The following ESRRG variants were observed in gnomAD, a reference collection of about 807,000 sequenced individuals.
The protein encoded by ESRRG is estrogen related receptor gamma.
ESRRG carries 13 observed loss-of-function variants against 44.0 expected under a neutral mutation model. The observed-to-expected ratio is 0.30, with a 90% CI of 0.19 to 0.47. The LOEUF is 0.47. ESRRG is among the 20% of genes least tolerant of loss of function. The pLI is 1.00. For missense variants in ESRRG, 395 were observed against 580.6 expected, an observed-to-expected ratio of 0.68 and a Z score of 3.29; for synonymous variants, 215 against 214.6, an observed-to-expected ratio of 1.00 and a Z score of -0.02.
At chr1:217,130,478 C>A (rs1192421867) in intron 1 of ESRRG, among the ~76,000 whole-genome samples, 1 of 152,134 alleles carries the variant, frequency 6.6e-6, no homozygotes, top group Non-Finnish European at 1.5e-5. Flanking sequence ...TCAAGCAATT[C>A]TCTCTCCTGG....
chr1:217,079,879 C>T (rs1377495649), intron 1 of ESRRG, among the ~76,000 whole-genome samples: 1 of 152,168 alleles, frequency 6.6e-6, no homozygotes, highest in East Asian at 1.9e-4. Context: ...TTTCCTCCTT[C>T]CCTCCCATAA....
At chr1:216,721,986 T>C (rs550115908) in intron 1 of ESRRG, among the ~76,000 whole-genome samples, 92 of 152,242 alleles carry the variant, frequency 6.0e-4, no homozygotes, top group Admixed American at 1.1e-3. Context: ...TGGGTGGATG[T>C]GCATGTGTGA....
At chr1:216,793,907 T>A (rs1455223938) in intron 2 of ESRRG, among the ~76,000 whole-genome samples, 1 of 151,898 alleles carries the variant, frequency 6.6e-6, no homozygotes, top group Non-Finnish European at 1.5e-5. Flanking sequence ...GTTTTTATCA[T>A]TAAAGTAAAT....
At chr1:217,099,958 C>T (rs1415645345) in intron 1 of ESRRG, among the ~76,000 whole-genome samples, 1 of 150,524 alleles carries the variant, frequency 6.6e-6, no homozygotes, top group Non-Finnish European at 1.5e-5. Context: ...ATGAATGCTC[C>T]GTTCCGTTAC....
intron 2 of ESRRG, among the ~76,000 whole-genome samples, chr1:216,870,128 GA>G (rs2096239473): frequency 1.3e-5 from 2 of 151,966 alleles, no homozygotes; most frequent in South Asian, 4.1e-4. Context: ...ATATTTTGTA[GA>G]TGGACTTTAT....
intron 1 of ESRRG, among the ~76,000 whole-genome samples, chr1:216,717,903 T>G (rs2085265731): frequency 6.6e-6 from 1 of 151,856 alleles, no homozygotes; most frequent in Non-Finnish European, 1.5e-5. Flanking sequence ...GGCCCAATTG[T>G]GTAAGAAAAG....
At chr1:216,764,299 T>A (rs2092956309) in intron 2 of ESRRG, among the ~76,000 whole-genome samples, 1 of 151,840 alleles carries the variant, frequency 6.6e-6, no homozygotes, top group South Asian at 2.1e-4. Flanking sequence ...TGACAGGGTC[T>A]TGTTTTGTCC....
intron 2 of ESRRG, among the ~76,000 whole-genome samples, chr1:216,667,355 A>G (rs144378929): frequency 5.3e-5 from 8 of 152,306 alleles, no homozygotes; most frequent in African/African-American, 1.9e-4. Flanking sequence ...GGCTTATGTA[A>G]CAGGTACTTT....
upstream of ESRRG, among the ~76,000 whole-genome samples, chr1:216,723,821 C>A (rs1371750878): frequency 6.6e-6 from 1 of 151,902 alleles, no homozygotes; most frequent in Non-Finnish European, 1.5e-5. Context: ...TGATTTCTAA[C>A]CTAAGATCTC....
intron 5 of ESRRG, among the ~76,000 whole-genome samples, chr1:216,554,598 T>C (rs946195291): frequency 2.0e-5 from 3 of 152,148 alleles, no homozygotes; most frequent in African/African-American, 4.8e-5. Flanking sequence ...ATCATGCCAC[T>C]GCATTCCAGC....
intron 1 of ESRRG, among the ~76,000 whole-genome samples, chr1:217,027,215 C>A (rs557847547): frequency 1.2e-4 from 19 of 152,216 alleles, no homozygotes; most frequent in African/African-American, 4.6e-4. Flanking sequence ...AGAAAAGCCA[C>A]AGAGAATTAC....
At chr1:216,710,378 C>A (rs923250443) in intron 1 of ESRRG, among the ~76,000 whole-genome samples, 7 of 152,116 alleles carry the variant, frequency 4.6e-5, no homozygotes, top group African/African-American at 1.7e-4. Flanking sequence ...GAGAAACAAC[C>A]CCACAAAATC....
At chr1:217,001,886 T>C (rs1284387889) in intron 1 of ESRRG, among the ~76,000 whole-genome samples, 2 of 152,126 alleles carry the variant, frequency 1.3e-5, no homozygotes, top group Non-Finnish European at 2.9e-5. Flanking sequence ...CATTTGTACA[T>C]CAAAAGTGAA....
chr1:216,981,523 C>T (rs2073966933), intron 1 of ESRRG, among the ~76,000 whole-genome samples: 1 of 152,176 alleles, frequency 6.6e-6, no homozygotes, highest in Admixed American at 6.5e-5. Flanking sequence ...TCGCACAAAA[C>T]AACTCTTCAA....
chr1:216,653,951 C>CA (rs5780901), intron 2 of ESRRG, among the ~76,000 whole-genome samples: 46,954 of 142,250 alleles, frequency 0.33, 7,983 homozygotes, highest in South Asian at 0.52. Flanking sequence ...CCATCTCTAC[C>CA]AAAAAAAAAA....
intron 5 of ESRRG, among the ~76,000 whole-genome samples, chr1:216,552,974 G>A (rs1248889772): frequency 6.6e-6 from 1 of 152,136 alleles, no homozygotes; most frequent in Non-Finnish European, 1.5e-5. Flanking sequence ...CGCAAAAGAT[G>A]AATTTAAGAA....
chr1:216,913,205 CT>C (rs900458192), intron 2 of ESRRG, among the ~76,000 whole-genome samples: 12 of 150,942 alleles, frequency 8.0e-5, no homozygotes, highest in Non-Finnish European at 1.8e-4. Context: ...CATGTGCAGA[CT>C]TTTTTTCCTT....
intron 3 of ESRRG, among the ~76,000 whole-genome samples, chr1:216,589,204 A>G (rs1475509584): frequency 6.6e-6 from 1 of 152,186 alleles, no homozygotes; most frequent in Admixed American, 6.5e-5. Context: ...AGCCACCAAC[A>G]TAGATATATG....
At chr1:216,820,719 C>T (rs1159897844) in intron 2 of ESRRG, among the ~76,000 whole-genome samples, 1 of 152,194 alleles carries the variant, frequency 6.6e-6, no homozygotes, top group African/African-American at 2.4e-5. Flanking sequence ...CAATTAGCCA[C>T]CCGTTCTTAT....
Sources: gnomAD v4.1 joint callset for allele counts (sites outside exome capture counted in the v4.1 genomes callset) on GRCh38, gnomAD v4.1.1 for gene constraint, MANE v1.5 for transcripts, NCBI Gene and HGNC (gene_info 2026-07-23, HGNC 2026-07-21) for gene names.